Variants in SYNPR observed in about 807,000 individuals in gnomAD.
The protein encoded by SYNPR is synaptoporin.
In SYNPR, 23 loss-of-function variants were observed where a neutral mutation model predicts 32.9. The observed-to-expected ratio is 0.70, with a 90% confidence interval of 0.50 to 0.99. The LOEUF is 0.99. Ranked by LOEUF, SYNPR falls within the 50% of genes least tolerant of loss-of-function variation. The pLI, the probability that SYNPR is intolerant of heterozygous loss-of-function variation, is 0.00. For missense variants in SYNPR, 318 were observed against 349.3 expected (o/e 0.91, Z 0.71); for synonymous variants, 146 against 135.9 (o/e 1.07, Z -0.52).
chr3:63,558,975 T>C (rs1313840049), intron 4 of SYNPR, among the ~76,000 whole-genome samples: 1 of 152,000 alleles, frequency 6.6e-6, no homozygotes, highest in African/African-American at 2.4e-5. Context: ...AATTATAAGA[T>C]AATATCTGTT....
intron 3 of SYNPR, among the ~76,000 whole-genome samples, chr3:63,552,133 G>T (rs1318658075): frequency 6.6e-6 from 1 of 151,986 alleles, no homozygotes; most frequent in African/African-American, 2.4e-5. Flanking sequence ...CCTGACCTCA[G>T]GCAGTCTGCC....
intron 3 of SYNPR, among the ~76,000 whole-genome samples, chr3:63,514,975 G>A (rs1427066727): frequency 6.6e-6 from 1 of 152,064 alleles, no homozygotes; most frequent in Non-Finnish European, 1.5e-5. Context: ...CTGAGTGGCA[G>A]GCTCAATGTT....
At chr3:63,291,828 TTCTCTCTCTC>T (rs140571848) in intron 2 of SYNPR, among the ~76,000 whole-genome samples, 1 of 149,640 alleles carries the variant, frequency 6.7e-6, no homozygotes, top group Admixed American at 6.7e-5. Context: ...GTTTCTTTCT[TTCTCTCTCTC>T]TCTCTCTCTC....
chr3:63,603,440 T>G (rs771466216), intron 4 of SYNPR, among the ~76,000 whole-genome samples: 13 of 152,314 alleles, frequency 8.5e-5, no homozygotes, highest in Non-Finnish European at 1.9e-4. Context: ...AGGGGAATAC[T>G]TCTAGCTTTT....
At chr3:63,376,052 C>T (rs1021924937) in intron 2 of SYNPR, among the ~76,000 whole-genome samples, 2 of 152,116 alleles carry the variant, frequency 1.3e-5, no homozygotes, top group Non-Finnish European at 2.9e-5. Context: ...TGTTTTCTCC[C>T]TTGTCTTCCC....
intron 3 of SYNPR, among the ~76,000 whole-genome samples, chr3:63,512,904 T>G (rs1472750229): frequency 1.3e-5 from 2 of 152,070 alleles, no homozygotes; most frequent in Non-Finnish European, 2.9e-5. Flanking sequence ...CTCTTGAAAA[T>G]CTAAATTTTA....
chr3:63,482,408 G>A (rs1473111863), intron 3 of SYNPR, among the ~76,000 whole-genome samples: 8 of 152,122 alleles, frequency 5.3e-5, no homozygotes. Flanking sequence ...GAAGCTCCAT[G>A]TATAAAATAG....
intron 2 of SYNPR, among the ~76,000 whole-genome samples, chr3:63,259,350 C>T (rs1277737123): frequency 1.3e-5 from 2 of 152,178 alleles, no homozygotes; most frequent in Admixed American, 1.3e-4. Context: ...CCGAATCCAG[C>T]AGCACATCAA....
chr3:63,571,182 C>T (rs1384872003), intron 4 of SYNPR, among the ~76,000 whole-genome samples: 6 of 152,074 alleles, frequency 3.9e-5, no homozygotes, highest in African/African-American at 9.7e-5. Flanking sequence ...CTTCCACATG[C>T]GTACTAAAAT....
intron 2 of SYNPR, among the ~76,000 whole-genome samples, chr3:63,319,942 T>C (rs1055932054): frequency 6.6e-6 from 1 of 152,044 alleles, no homozygotes; most frequent in Admixed American, 6.6e-5. Flanking sequence ...TATTTAGATA[T>C]GTATCTATTT....
intron 3 of SYNPR, among the ~76,000 whole-genome samples, chr3:63,526,970 A>G (rs1371685155): frequency 6.6e-6 from 1 of 152,184 alleles, no homozygotes; most frequent in Non-Finnish European, 1.5e-5. Context: ...ACGATAGTAG[A>G]AATCAAAATA....
intron 2 of SYNPR, among the ~76,000 whole-genome samples, chr3:63,409,857 T>G (rs892169611): frequency 6.6e-6 from 1 of 152,148 alleles, no homozygotes; most frequent in Non-Finnish European, 1.5e-5. Context: ...CTTTGGTTAA[T>G]AAAGTATGAG....
chr3:63,317,165 T>A (rs2087052277), intron 2 of SYNPR, among the ~76,000 whole-genome samples: 1 of 152,006 alleles, frequency 6.6e-6, no homozygotes, highest in Non-Finnish European at 1.5e-5. Context: ...ATGATCTGTC[T>A]TGGAGAAAGT....
At chr3:63,487,933 A>G (rs1701185990) in intron 3 of SYNPR, among the ~76,000 whole-genome samples, 1 of 152,110 alleles carries the variant, frequency 6.6e-6, no homozygotes, top group South Asian at 2.1e-4. Context: ...CACTGGCTGA[A>G]TAAGCACCAT....
chr3:63,314,420 G>A (rs1300791619), intron 2 of SYNPR, among the ~76,000 whole-genome samples: 2 of 151,826 alleles, frequency 1.3e-5, no homozygotes, highest in African/African-American at 4.8e-5. Flanking sequence ...TCTTGCATGA[G>A]TAAGGTGGTA....
rs145037844 is a variant in SYNPR at position 63,373,733 on chromosome 3, G to A, written c.84+94991G>A. ...AATTAAGGAAACACAGAGAACCCCT[G>A]CAAGATACTACACAAGAAGACCATC... On this transcript the variant is annotated intron_variant, in intron 2 of 5. Transcript: ENST00000478300. Among the ~76,000 whole-genome samples the A allele has an allele frequency of 5.4e-3, 816 of 152,032 alleles. 11 individuals carry two copies. Among genetic ancestry groups the A allele is most frequent in the African/African-American group, 0.018 (757 of 41,456 alleles).
chr3:63,225,971 A>G (rs972459103), upstream of SYNPR, among the ~76,000 whole-genome samples: 1 of 152,170 alleles, frequency 6.6e-6, no homozygotes, highest in Non-Finnish European at 1.5e-5. Flanking sequence ...AAAAAATCCC[A>G]GTAAAAAGTA....
chr3:63,449,021 T>C (rs1030860041), intron 2 of SYNPR, among the ~76,000 whole-genome samples: 1 of 152,190 alleles, frequency 6.6e-6, no homozygotes, highest in Non-Finnish European at 1.5e-5. Context: ...TTTTGTAGTG[T>C]GTGTGTCTTA....
rs144517262 is a variant in SYNPR at position 63,241,764 on chromosome 3, G to A, written n.67-10735G>A. ...GAAATGATCCTATTTTTAGCTTTTC[G>A]TTAGATAAGAAAATTTATCTTTTTT... On this transcript the variant is annotated intron_variant and non_coding_transcript_variant, in intron 1 of 4. Coordinates refer to the SYNPR transcript ENST00000478456. Among the ~76,000 whole-genome samples, 17 of 152,084 alleles carry A rather than the reference G, an allele frequency of 1.1e-4. No individual in the cohort carries two copies. The East Asian group carries it at 2.9e-3, about 26-fold the overall frequency.
Sources: allele counts gnomAD v4.1 joint callset (sites outside exome capture counted in the v4.1 genomes callset), GRCh38; gene constraint gnomAD v4.1.1; transcripts MANE v1.5; gene names NCBI Gene and HGNC (gene_info 2026-07-23, HGNC 2026-07-21).